The following SCAF8 variants were observed in gnomAD, a reference collection of about 807,000 sequenced individuals.
SCAF8 encodes SR-related CTD associated factor 8.
A neutral mutation model predicts 140.5 loss-of-function variants in SCAF8; 23 were observed. The observed-to-expected ratio is 0.16, with a 90% CI of 0.12 to 0.23. The LOEUF is 0.23. Among genes scored for constraint, SCAF8 ranks in the 10% least tolerant of loss-of-function variants. SCAF8 has a pLI of 1.00. For synonymous variants in SCAF8, 575 were observed against 528.9 expected, an observed-to-expected ratio of 1.09 and a Z score of -1.20; for missense variants, 1,397 against 1,555.7, an observed-to-expected ratio of 0.90 and a Z score of 1.72.
rs777017295 is a variant in SCAF8, at chr6:154,831,145, A to G, written c.2359+5A>G. ...CTGGTGAAAACACCAGATCAGGTAA[A>G]TAATAATAATAAAATTTAAAAAAAG... On this transcript the variant is annotated splice_donor_5th_base_variant and intron_variant, in intron 19 of 19. Coordinates refer to ENST00000367178, the MANE Select transcript of SCAF8 (RefSeq NM_014892.5). The G allele has an allele frequency of 8.1e-6, 12 of 1,478,302 alleles. No homozygotes were observed. The highest frequency in any genetic ancestry group is 8.1e-5 in the Admixed American group (4 of 49,306). 91.6% of individuals were successfully genotyped at this position (1,478,302 alleles called of 1,614,324 possible). A position where few individuals can be genotyped will look rare whatever the true frequency, so the allele number is the denominator to read the frequency against.
rs1778385403 is a variant in SCAF8, at chr6:154,735,283, A to G, written c.30+1353A>G. ...TTAAAATACGAGGCTTTTTGCTGTG[A>G]CGGCCCAAATAGGACAGTACTTTTA... On this transcript the variant is annotated intron_variant, in intron 1 of 19. Transcript: ENST00000367178. Among the ~76,000 whole-genome samples the G allele has an allele frequency of 2.0e-5, 3 of 152,110 alleles. No individual in the cohort carries two copies. The South Asian group carries it at 6.2e-4, about 32-fold the overall frequency.
rs1288668306 is a variant in SCAF8, at chr6:154,833,235, C to T, written c.3656C>T (p.Thr1219Ile). The change falls in exon 20 of 20, where the codon ACA becomes ATA. Residue 1219 changes from threonine to isoleucine, a missense_variant. By Grantham distance (89) the Thr-to-Ile change is moderately conservative (BLOSUM62 -1). Coordinates refer to ENST00000367178, the MANE Select transcript of SCAF8 (RefSeq NM_014892.5). ...DNVPQVNGEN[T>I]ERHAQPPPIP... ...GTGCCTCAGGTTAATGGTGAAAATA[C>T]AGAGAGACATGCTCAGCCACCACCT... The T allele has an allele frequency of 6.2e-7, 1 of 1,613,954 alleles. No individual in the cohort carries two copies. The highest frequency in any genetic ancestry group is 1.1e-5 in the South Asian group (1 of 91,078).
At chr6:154,827,088 G>A in intron 17 of SCAF8, 84 bp from the exon 18 acceptor site, 3 of 1,113,356 alleles carry the variant, frequency 2.7e-6, no homozygotes, top group Non-Finnish European at 1.3e-6. Flanking sequence ...AGAATATGAA[G>A]TTTCATTTGT....
chr6:154,795,095 C>CT lies in SCAF8; in HGVS notation c.564dup (p.Ala189CysfsTer72), dbSNP rs1475265239. The CT allele has an allele frequency of 6.2e-7, 1 of 1,613,542 alleles. No individual in the cohort carries two copies. The highest frequency in any genetic ancestry group is 1.7e-5 in the Admixed American group (1 of 59,898). On this transcript the variant is annotated frameshift_variant, in exon 6 of 20. Coordinates refer to ENST00000367178, the MANE Select transcript of SCAF8 (RefSeq NM_014892.5). LOFTEE classifies it high-confidence loss of function. ...ATCTCAGATAACAAATACAGATACACTTGCGGCTGTAGCTCAGATCTTGCA... is the reference window on the plus strand; with the variant it reads ...ATCTCAGATAACAAATACAGATACACTTTGCGGCTGTAGCTCAGATCTTGCA...
At chr6:154,741,934 T>C in intron 1 of SCAF8, 1 of 1,515,260 alleles carries the variant, frequency 6.6e-7, no homozygotes, top group Non-Finnish European at 8.9e-7. Flanking sequence ...TCTCAACATC[T>C]TTCTCTACTC....
intron 1 of SCAF8, chr6:154,741,872 A>G (rs747043731): frequency 1.2e-6 from 1 of 855,656 alleles, no homozygotes; most frequent in Non-Finnish European, 1.9e-6. Context: ...GACCTTGAAC[A>G]CTGGCTGAGC....
At chr6:154,737,442 G>A (rs1778453088) in intron 1 of SCAF8, among the ~76,000 whole-genome samples, 2 of 152,234 alleles carry the variant, frequency 1.3e-5, no homozygotes, top group South Asian at 4.1e-4. Context: ...TTGGGAGGCC[G>A]AGGTGGGCAG....
intron 18 of SCAF8, among the ~76,000 whole-genome samples, chr6:154,828,919 G>A (rs1013313199): frequency 6.6e-6 from 1 of 152,060 alleles, no homozygotes; most frequent in African/African-American, 2.4e-5. Context: ...ATACAATATA[G>A]ACATACACAT....
At chr6:154,734,368 G>C (rs1778352070) in intron 1 of SCAF8, among the ~76,000 whole-genome samples, 2 of 152,348 alleles carry the variant, frequency 1.3e-5, no homozygotes, top group Admixed American at 6.5e-5. Context: ...GATTGGGGGC[G>C]GTGGGGGAAA....
intron 17 of SCAF8, chr6:154,824,982 A>C (rs1202288151): frequency 6.6e-6 from 1 of 151,790 alleles, no homozygotes; most frequent in African/African-American, 2.4e-5. Context: ...AAGAATTATT[A>C]CTCTTAAAGT....
chr6:154,803,523 G>C (rs973659650), intron 7 of SCAF8, 21 bp from the exon 8 acceptor site: 2 of 1,581,742 alleles, frequency 1.3e-6, no homozygotes, highest in African/African-American at 2.7e-5. Context: ...TAATATGTCT[G>C]TTTCTCCTTC....
intron 1 of SCAF8, among the ~76,000 whole-genome samples, chr6:154,736,982 CACAAA>C (rs1472041233): frequency 2.0e-5 from 3 of 151,780 alleles, no homozygotes; most frequent in South Asian, 2.1e-4. Flanking sequence ...TTTTTTTAAA[CACAAA>C]ACAATACATA....
chr6:154,805,283 C>A (rs903715563), intron 8 of SCAF8, 86 bp from the exon 9 acceptor site: 18 of 737,672 alleles, frequency 2.4e-5, no homozygotes, highest in Admixed American at 4.9e-5. Flanking sequence ...ATTGAATTGA[C>A]TTTTTTGTTT....
chr6:154,738,866 T>TA (rs1778496383), intron 1 of SCAF8, among the ~76,000 whole-genome samples: 1 of 152,228 alleles, frequency 6.6e-6, no homozygotes, highest in African/African-American at 2.4e-5. Flanking sequence ...GTCATTCTGG[T>TA]AGGATCTTGT....
Position 154,777,440 on chromosome 6 carries a change from T to C in SCAF8, c.115-561T>C, listed in dbSNP as rs530787551. On this transcript the variant is annotated intron_variant, in intron 2 of 19. Coordinates refer to ENST00000367178, the MANE Select transcript of SCAF8 (RefSeq NM_014892.5). ...TACATGTTCACTTCCGCTGATTCAT[T>C]TTGTCTGATCCATTAGGATATTATA... Among the ~76,000 whole-genome samples, 73 of 152,310 alleles carry C rather than the reference T, an allele frequency of 4.8e-4. 1 individual carries two copies. Among genetic ancestry groups the C allele is most frequent in the Non-Finnish European group, 9.6e-4 (65 of 68,008 alleles).
intron 3 of SCAF8, among the ~76,000 whole-genome samples, chr6:154,784,338 C>T (rs961701031): frequency 6.6e-6 from 1 of 151,318 alleles, no homozygotes; most frequent in Non-Finnish European, 1.5e-5. Context: ...GTTCCTCTTC[C>T]CTAGGATATT....
chr6:154,815,873 A>G, intron 13 of SCAF8, 57 bp downstream of exon 13: 3 of 994,006 alleles, frequency 3.0e-6, no homozygotes, highest in Admixed American at 3.7e-5. Flanking sequence ...TTATTAATAC[A>G]AAGAATCACT....
intron 1 of SCAF8, among the ~76,000 whole-genome samples, chr6:154,750,115 G>T (rs1778802626): frequency 6.7e-6 from 1 of 148,578 alleles, no homozygotes; most frequent in South Asian, 2.2e-4. Context: ...TAATTTGGGG[G>T]GGATAGGGTG....
chr6:154,807,969 A>G lies in SCAF8; in HGVS notation c.982-101A>G, dbSNP rs111966862. 939 of 1,050,998 alleles carry G rather than the reference A, an allele frequency of 8.9e-4. 5 individuals are homozygous for G. In the African/African-American group the frequency reaches 0.014, roughly 15 times the overall value. The allele number at this position is 1,050,998 out of a possible 1,614,324, so 65.1% of individuals were successfully genotyped here. ...ATGGAATTTCTTTTATGTATGGCTC[A>G]TGTTTTTAAACATGTAATTGTGATG... On this transcript the variant is annotated intron_variant, in intron 9 of 19. Coordinates refer to ENST00000367178, the MANE Select transcript of SCAF8 (RefSeq NM_014892.5).
Sources: gnomAD v4.1 joint callset for allele counts (sites outside exome capture counted in the v4.1 genomes callset) on GRCh38, gnomAD v4.1.1 for gene constraint, MANE v1.5 for transcripts, NCBI Gene and HGNC (gene_info 2026-07-23, HGNC 2026-07-21) for gene names.